Variants in CALN1 observed in about 807,000 individuals in gnomAD.
The protein encoded by CALN1 is calcium-binding protein 8.
CALN1 carries 17 observed loss-of-function variants against 30.6 expected under a neutral mutation model. That is an observed-to-expected ratio of 0.56 (90% CI 0.38 to 0.83). CALN1 has a LOEUF of 0.83. Ranked by LOEUF, CALN1 falls within the 40% of genes least tolerant of loss-of-function variation. CALN1 has a pLI of 0.00. For missense variants in CALN1, 291 were observed against 354.9 expected (o/e 0.82, Z 1.45); for synonymous variants, 156 against 131.4 (o/e 1.19, Z -1.28).
chr7:71,844,559 A>C (rs1790122321), intron 5 of CALN1, among the ~76,000 whole-genome samples: 2 of 152,178 alleles, frequency 1.3e-5, no homozygotes, highest in Non-Finnish European at 1.5e-5. Context: ...GATGAATCAG[A>C]CTCCAGAGTT....
At chr7:71,975,968 T>G (rs1024507934) in intron 5 of CALN1, among the ~76,000 whole-genome samples, 4 of 150,694 alleles carry the variant, frequency 2.7e-5, no homozygotes, top group Non-Finnish European at 4.4e-5. Flanking sequence ...AACCTAATAG[T>G]ATTACCAGCT....
intron 4 of CALN1, among the ~76,000 whole-genome samples, chr7:72,047,642 A>T (rs908965192): frequency 3.3e-5 from 5 of 152,166 alleles, no homozygotes; most frequent in African/African-American, 9.7e-5. Flanking sequence ...GAGAACAAAC[A>T]AGAACAATGA....
intron 5 of CALN1, among the ~76,000 whole-genome samples, chr7:71,897,991 A>G (rs868084896): frequency 8.1e-5 from 9 of 110,602 alleles, no homozygotes; most frequent in East Asian, 3.7e-4. Flanking sequence ...AAAAAAAAAA[A>G]AGAGAGAGAG....
At chr7:71,793,212 A>G (rs1786681659) in intron 6 of CALN1, among the ~76,000 whole-genome samples, 1 of 152,176 alleles carries the variant, frequency 6.6e-6, no homozygotes, top group South Asian at 2.1e-4. Flanking sequence ...AGGCTGAGGC[A>G]GGAGAATTGC....
intron 4 of CALN1, among the ~76,000 whole-genome samples, chr7:72,053,346 A>T (rs1005942621): frequency 2.0e-5 from 3 of 152,252 alleles, no homozygotes; most frequent in Non-Finnish European, 4.4e-5. Context: ...GACACTCTGA[A>T]ATTACCGGCT....
At chr7:71,963,312 G>A (rs900754749) in intron 5 of CALN1, among the ~76,000 whole-genome samples, 8 of 152,144 alleles carry the variant, frequency 5.3e-5, no homozygotes, top group African/African-American at 1.4e-4. Flanking sequence ...ACAGGTGCAC[G>A]CCACCACGCC....
intron 5 of CALN1, among the ~76,000 whole-genome samples, chr7:71,952,383 T>C (rs542140116): frequency 6.6e-6 from 1 of 152,192 alleles, no homozygotes; most frequent in South Asian, 2.1e-4. Flanking sequence ...GGTATTAATA[T>C]GATAATAACT....
intron 2 of CALN1, among the ~76,000 whole-genome samples, chr7:72,386,740 ATCC>A (rs1244985225): frequency 6.6e-6 from 1 of 152,090 alleles, no homozygotes; most frequent in Non-Finnish European, 1.5e-5. Context: ...GGCTCAAGAG[ATCC>A]TCCTACCTCA....
chr7:72,173,340 A>T (rs1054210524), intron 3 of CALN1, among the ~76,000 whole-genome samples: 1 of 152,058 alleles, frequency 6.6e-6, no homozygotes, highest in Non-Finnish European at 1.5e-5. Context: ...TATATATATC[A>T]TGTTTATGGG....
intron 5 of CALN1, among the ~76,000 whole-genome samples, chr7:71,986,970 T>G (rs1275381362): frequency 1.3e-5 from 2 of 151,792 alleles, no homozygotes; most frequent in African/African-American, 2.4e-5. Flanking sequence ...TCTATTAAAA[T>G]TACAAAAATT....
chr7:72,334,873 A>T (rs1801907491), intron 2 of CALN1, among the ~76,000 whole-genome samples: 1 of 152,104 alleles, frequency 6.6e-6, no homozygotes. Context: ...GCCATGAAAA[A>T]CCCACACGTC....
intron 3 of CALN1, among the ~76,000 whole-genome samples, chr7:72,225,549 G>A (rs879212831): frequency 6.6e-6 from 1 of 151,988 alleles, no homozygotes; most frequent in Non-Finnish European, 1.5e-5. Context: ...TAGACGGAAA[G>A]ATCACACACA....
At chr7:72,315,088 G>A (rs1298072391) in intron 2 of CALN1, among the ~76,000 whole-genome samples, 2 of 151,828 alleles carry the variant, frequency 1.3e-5, no homozygotes, top group East Asian at 3.9e-4. Flanking sequence ...GGTTCAAGGT[G>A]GCAGTGAGCT....
At chr7:72,392,902 G>A (rs1805668854) in intron 2 of CALN1, among the ~76,000 whole-genome samples, 1 of 152,064 alleles carries the variant, frequency 6.6e-6, no homozygotes, top group South Asian at 2.1e-4. Context: ...CGGAGGCTGA[G>A]GTGGGAGAAC....
At chr7:72,370,583 G>A (rs936824056) in intron 2 of CALN1, among the ~76,000 whole-genome samples, 13 of 151,796 alleles carry the variant, frequency 8.6e-5, no homozygotes, top group African/African-American at 3.1e-4. Flanking sequence ...GAACCCGGGA[G>A]GCGGAGCTTA....
At chr7:72,360,236 A>C (rs1486096517) in intron 2 of CALN1, among the ~76,000 whole-genome samples, 1 of 152,182 alleles carries the variant, frequency 6.6e-6, no homozygotes, top group Admixed American at 6.5e-5. Flanking sequence ...GTCACACAGG[A>C]AAATGTAATT....
At chr7:72,178,205 C>G (rs115173839) in intron 3 of CALN1, among the ~76,000 whole-genome samples, 1,737 of 152,210 alleles carry the variant, frequency 0.011, 33 homozygotes, top group African/African-American at 0.039. Context: ...CTGTCAGAAA[C>G]AGGAAGGAAG....
At chr7:72,235,890 C>T (rs552755462) in intron 3 of CALN1, among the ~76,000 whole-genome samples, 1 of 152,030 alleles carries the variant, frequency 6.6e-6, no homozygotes, top group South Asian at 2.1e-4. Context: ...ACCCCAAGCT[C>T]CAAGGTAGCA....
At chr7:72,284,430 C>G (rs1797938542) in intron 2 of CALN1, among the ~76,000 whole-genome samples, 1 of 152,156 alleles carries the variant, frequency 6.6e-6, no homozygotes, top group Non-Finnish European at 1.5e-5. Context: ...GAACATTATT[C>G]TCTGTGATGT....
Sources: gnomAD v4.1 joint callset for allele counts (sites outside exome capture counted in the v4.1 genomes callset) on GRCh38, gnomAD v4.1.1 for gene constraint, MANE v1.5 for transcripts, NCBI Gene and HGNC (gene_info 2026-07-23, HGNC 2026-07-21) for gene names.